Variants in ADRA1B observed in about 807,000 individuals in gnomAD.
ADRA1B encodes alpha-1B adrenergic receptor.
In ADRA1B, 17 loss-of-function variants were observed where a neutral mutation model predicts 17.9. That is an observed-to-expected ratio of 0.95 (90% CI 0.65 to 1.42). ADRA1B has a LOEUF of 1.42. Ranked by LOEUF, ADRA1B falls within the 40% of genes most tolerant of loss-of-function variation. ADRA1B has a pLI of 0.00. For missense variants in ADRA1B, 681 were observed against 722.1 expected, an observed-to-expected ratio of 0.94 and a Z score of 0.65; for synonymous variants, 366 against 327.6, an observed-to-expected ratio of 1.12 and a Z score of -1.27.
At chr5:159,980,498 T>C in the ADRA1B span, among the ~76,000 whole-genome samples, 1 of 151,826 alleles carries the variant, frequency 6.6e-6, no homozygotes, top group Non-Finnish European at 1.5e-5. Context: ...CTCAGATGAG[T>C]AGTAGTACAG....
At position 159,917,065 on chromosome 5, in the gene ADRA1B, G is replaced by C. The variant is rs1330843392; in HGVS notation, c.160G>C (p.Ala54Pro). The change falls in exon 1 of 2, where the codon GCC becomes CCC. Residue 54 changes from alanine (A) to proline (P), a missense_variant. Physicochemically the swap from Ala to Pro is conservative, Grantham distance 27. This residue lies in a region of ADRA1B where 424 missense variants were observed against 480.2 expected (regional missense o/e 0.88). Transcript: ENST00000306675. The part of the protein sequence containing the change: ...RAISVGLVLG[A>P]FILFAIVGNI... Reference sequence around the variant, plus strand: ...CATCTCTGTGGGCCTGGTGCTGGGCGCCTTCATCCTCTTTGCCATCGTGGG... The same window carrying C: ...CATCTCTGTGGGCCTGGTGCTGGGCCCCTTCATCCTCTTTGCCATCGTGGG... The C allele has an allele frequency of 6.2e-7, 1 of 1,614,134 alleles. No homozygotes were observed. The highest frequency in any genetic ancestry group is 8.5e-7 in the Non-Finnish European group (1 of 1,179,996).
chr5:159,917,700 T>C lies in ADRA1B; in HGVS notation c.795T>C (p.Leu265=). 1.2e-6 allele frequency: 2 copies of C among 1,613,980 alleles called. No individual in the cohort carries two copies. The highest frequency in any genetic ancestry group is 1.7e-6 in the Non-Finnish European group (2 of 1,179,998). ...CCAAGAACTTTCACGAGGACACCCT[T>C]AGCAGTACCAAGGCCAAGGGCCACA... is the stretch of plus-strand genomic sequence containing the variant. The part of the protein sequence containing the change: ...IHSKNFHEDT[L]SSTKAKGHNP... The change falls in exon 1 of 2, where the codon CTT becomes CTC. Residue 265 remains leucine, a synonymous_variant. Transcript: ENST00000306675.
chr5:159,984,008 C>G, the ADRA1B span, among the ~76,000 whole-genome samples: 1 of 152,062 alleles, frequency 6.6e-6, no homozygotes, highest in Non-Finnish European at 1.5e-5. Flanking sequence ...CAAGGCCTCA[C>G]CTTCCTGCAC....
chr5:159,967,955 G>A lies in ADRA1B; in HGVS notation c.950-3924G>A, dbSNP rs369780687. Among the ~76,000 whole-genome samples the A allele has an allele frequency of 2.1e-4, 32 of 152,214 alleles. 1 individual carries two copies. The highest frequency in any genetic ancestry group is 7.7e-4 in the African/African-American group (32 of 41,504). On this transcript the variant is annotated intron_variant, in intron 1 of 1. Coordinates refer to ENST00000306675, the MANE Select transcript of ADRA1B (RefSeq NM_000679.4). ...GAAGAACAACCAAAAAACGTATGCC[G>A]CGCAGACATAGGGGGAAAGTAAAAT...
the ADRA1B span, among the ~76,000 whole-genome samples, chr5:159,985,517 T>C: frequency 3.4e-3 from 523 of 152,326 alleles, 2 homozygotes; most frequent in African/African-American, 0.012. Flanking sequence ...AAAGCTGACT[T>C]GTACCGGCTC....
chr5:159,896,464 T>A (rs1180842881), intron 1 of ADRA1B, among the ~76,000 whole-genome samples: 3 of 152,226 alleles, frequency 2.0e-5, no homozygotes, highest in Non-Finnish European at 4.4e-5. Context: ...GCACAACTAA[T>A]TTTAAGTGAT....
At chr5:159,908,032 A>G (rs1754181641) in intron 1 of ADRA1B, among the ~76,000 whole-genome samples, 1 of 152,040 alleles carries the variant, frequency 6.6e-6, no homozygotes, top group Non-Finnish European at 1.5e-5. Context: ...CTCCTTAAAG[A>G]CAATTATTGA....
At chr5:159,909,447 A>G (rs1034915356) in intron 1 of ADRA1B, among the ~76,000 whole-genome samples, 1 of 152,224 alleles carries the variant, frequency 6.6e-6, no homozygotes, top group African/African-American at 2.4e-5. Context: ...GACTTTTCTG[A>G]ACTTGGTAGC....
chr5:159,901,310 C>T (rs1041112092), intron 1 of ADRA1B, among the ~76,000 whole-genome samples: 1 of 150,624 alleles, frequency 6.6e-6, no homozygotes, highest in African/African-American at 2.4e-5. Context: ...GCACCCTTCA[C>T]CCTTTGCTCT....
At chr5:159,952,096 C>T (rs1298129494) in intron 1 of ADRA1B, among the ~76,000 whole-genome samples, 4 of 152,186 alleles carry the variant, frequency 2.6e-5, no homozygotes, top group African/African-American at 9.7e-5. Flanking sequence ...ATCCCCTACA[C>T]TTTTCAGTCC....
chr5:159,936,623 T>C (rs948429022), intron 1 of ADRA1B, among the ~76,000 whole-genome samples: 4 of 151,956 alleles, frequency 2.6e-5, no homozygotes, highest in Admixed American at 2.6e-4. Flanking sequence ...ATTGTATCAG[T>C]GCTTTTAGCC....
intron 1 of ADRA1B, among the ~76,000 whole-genome samples, chr5:159,949,225 C>T (rs1195916838): frequency 6.6e-6 from 1 of 152,192 alleles, no homozygotes; most frequent in Non-Finnish European, 1.5e-5. Context: ...TTCACATCAT[C>T]ATCAACATGG....
intron 1 of ADRA1B, among the ~76,000 whole-genome samples, chr5:159,952,633 A>G (rs903039670): frequency 4.6e-5 from 7 of 152,338 alleles, no homozygotes; most frequent in Admixed American, 2.0e-4. Context: ...AAATGGGGGC[A>G]GTTAATTGCA....
downstream of ADRA1B, among the ~76,000 whole-genome samples, chr5:159,973,479 G>T (rs2113302876): frequency 6.6e-6 from 1 of 152,262 alleles, no homozygotes; most frequent in East Asian, 1.9e-4. Context: ...GAGAGGGGCT[G>T]GTTCCCTTCC....
chr5:159,973,342 T>G (rs1012760445), downstream of ADRA1B, among the ~76,000 whole-genome samples: 1 of 152,152 alleles, frequency 6.6e-6, no homozygotes, highest in African/African-American at 2.4e-5. Context: ...TGCGGCTCCT[T>G]CCTGCTGTGA....
intron 1 of ADRA1B, chr5:159,950,759 G>A (rs562648672): frequency 2.7e-5 from 17 of 628,074 alleles, no homozygotes; most frequent in Admixed American, 2.1e-4. Context: ...TTTTCGAGAC[G>A]GCAGGTGAGG....
At chr5:159,915,531 C>A (rs1754280732), upstream of ADRA1B, among the ~76,000 whole-genome samples, 1 of 152,210 alleles carries the variant, frequency 6.6e-6, no homozygotes, top group East Asian at 1.9e-4. Context: ...ACTGAATGTC[C>A]AACATGGATA....
Position 159,958,574 on chromosome 5 carries a change from ATTC to A in ADRA1B, c.950-13301_950-13299del, listed in dbSNP as rs542130901. ...TGATCTGGATATTTTTCTCATGGTT[ATTC>A]TTCCAAATTCCATATTCTTCCATAA... On this transcript the variant is annotated intron_variant, in intron 1 of 1. Transcript: ENST00000306675. 9.2e-5 allele frequency among the ~76,000 whole-genome samples: 14 copies of A among 152,230 alleles called. No homozygotes were observed. The South Asian group carries it at 2.9e-3, about 32-fold the overall frequency.
intron 1 of ADRA1B, among the ~76,000 whole-genome samples, chr5:159,877,223 C>T (rs1202291313): frequency 6.6e-6 from 1 of 152,126 alleles, no homozygotes; most frequent in Non-Finnish European, 1.5e-5. Context: ...CTCCCGGTCC[C>T]CTGTGTCTCC....
Sources: gnomAD v4.1 joint callset for allele counts (sites outside exome capture counted in the v4.1 genomes callset) on GRCh38, gnomAD v4.1.1 for gene constraint, gnomAD v4.1.1 regional missense constraint, MANE v1.5 for transcripts, NCBI Gene and HGNC (gene_info 2026-07-23, HGNC 2026-07-21) for gene names.